Variants in PAX1 observed in about 807,000 individuals in gnomAD.
The protein encoded by PAX1 is paired box protein Pax-1.
A neutral mutation model predicts 35.6 loss-of-function variants in PAX1; 18 were observed. That is an observed-to-expected ratio of 0.50 (90% confidence interval 0.35 to 0.75). PAX1 has a LOEUF of 0.75. Among genes scored for constraint, PAX1 ranks in the 30% least tolerant of loss-of-function variants. The probability of loss-of-function intolerance (pLI) is 0.01; values close to 1 mark genes in which losing one functional copy is unlikely to be tolerated. For missense variants in PAX1, 760 were observed against 661.5 expected (o/e 1.15, Z -1.63); for synonymous variants, 397 against 305.2 (o/e 1.30, Z -3.14).
In PAX1 at chr20:21,705,665, A is replaced by G; in HGVS notation, c.-48A>G. On this transcript the variant is annotated 5_prime_UTR_variant, in exon 1 of 5. Transcript: ENST00000613128. ...TTGACGTGGAGGACACGTCAAATTG[A>G]TTCCCGCACGCTGCAGCCTCCCGGT... 8.2e-7 allele frequency: 1 copy of G among 1,214,704 alleles called. No individual in the cohort carries two copies. The highest frequency in any genetic ancestry group is 1.0e-6 in the Non-Finnish European group (1 of 965,702). 75.2% of individuals were successfully genotyped at this position (1,214,704 alleles called of 1,614,324 possible).
chr20:21,706,571 C>T lies in PAX1; in HGVS notation c.420C>T (p.Leu140=), dbSNP rs978424719. The T allele has an allele frequency of 3.1e-6, 5 of 1,612,282 alleles. No individual in the cohort carries two copies. The highest frequency in any genetic ancestry group is 3.4e-6 in the Non-Finnish European group (4 of 1,180,008). ...GIRPCDISRQ[L]RVSHGCVSKI... is the part of the protein sequence containing the mutation. ...GACCCTGTGACATCAGTCGGCAGCTCCGCGTATCCCACGGCTGCGTGAGCA... is the reference window on the plus strand; with the variant it reads ...GACCCTGTGACATCAGTCGGCAGCTTCGCGTATCCCACGGCTGCGTGAGCA... The change falls in exon 2 of 5, where the codon CTC becomes CTT. Residue 140 remains leucine (L), a synonymous_variant. Coordinates refer to ENST00000613128, the MANE Select transcript of PAX1 (RefSeq NM_001257096.2). The surrounding 1 kb of genome is among the most constrained non-coding windows in gnomAD (Gnocchi z 5.3).
At chr20:21,713,071 G>A (rs1381326453) in intron 4 of PAX1, among the ~76,000 whole-genome samples, 3 of 152,154 alleles carry the variant, frequency 2.0e-5, no homozygotes, top group Non-Finnish European at 4.4e-5. Context: ...AGCAGGATTC[G>A]CCCCTGTAGG....
rs77869827 is a variant in PAX1, at chr20:21,709,786, C to T, written c.1282+342C>T. Among the ~76,000 whole-genome samples, 970 of 152,118 alleles carry T rather than the reference C, an allele frequency of 6.4e-3. 16 individuals carry two copies. Among genetic ancestry groups the T allele is most frequent in the African/African-American group, 0.022 (928 of 41,482 alleles). ...CAAGTTCCTGCTTCTTTCTGGGTTT[C>T]TGTTTCTCCATCCAGAGACACGTCT... On this transcript the variant is annotated intron_variant, in intron 4 of 4. Coordinates refer to ENST00000613128, the MANE Select transcript of PAX1 (RefSeq NM_001257096.2).
chr20:21,713,246 C>G (rs901814466), intron 4 of PAX1, among the ~76,000 whole-genome samples: 1 of 152,176 alleles, frequency 6.6e-6, no homozygotes, highest in Admixed American at 6.5e-5. Flanking sequence ...GGTCTGAATA[C>G]TTGTTGGCTG....
intron 4 of PAX1, among the ~76,000 whole-genome samples, chr20:21,713,413 T>TGTGTGTGTGTGTGTGTGTG (rs1555805038): frequency 6.6e-6 from 1 of 151,520 alleles, no homozygotes; most frequent in African/African-American, 2.4e-5. Context: ...TGTGTGTGTC[T>TGTGTGTGTGTGTGTGTGTG]TGCACAGAGG....
At chr20:21,709,535 G>T in intron 4 of PAX1, 91 bp downstream of exon 4, 1 of 1,034,378 alleles carries the variant, frequency 9.7e-7, no homozygotes, top group South Asian at 1.7e-5. Flanking sequence ...AGGGAGAGCG[G>T]GTGGGGAAGA....
intron 4 of PAX1, among the ~76,000 whole-genome samples, chr20:21,710,067 G>A (rs1985152380): frequency 7.1e-6 from 1 of 140,650 alleles, no homozygotes; most frequent in East Asian, 2.1e-4. Flanking sequence ...AGCTTTCTGT[G>A]GTTGTGGGTG....
At position 21,714,772 on chromosome 20, in the gene PAX1, G is replaced by A. The variant is rs1352429301; in HGVS notation, c.*210G>A. ...CCACCACACTTCCTTTATTGGTCTGGGTTTTTAGGCTTCTCTGAACTTGGG... is the reference window on the plus strand; with the variant it reads ...CCACCACACTTCCTTTATTGGTCTGAGTTTTTAGGCTTCTCTGAACTTGGG... On this transcript the variant is annotated 3_prime_UTR_variant, in exon 5 of 5. Transcript: ENST00000613128. 6.2e-7 allele frequency: 1 copy of A among 1,600,846 alleles called. No individual in the cohort carries two copies. The highest frequency in any genetic ancestry group is 1.3e-5 in the African/African-American group (1 of 74,906).
chr20:21,713,382 T>TTGTGTG lies in PAX1; in HGVS notation c.1283-1065_1283-1060dup, dbSNP rs1026316842. 6.2e-4 allele frequency among the ~76,000 whole-genome samples: 91 copies of TTGTGTG among 146,376 alleles called. 1 individual carries two copies. The highest frequency in any genetic ancestry group is 4.8e-3 in the East Asian group (23 of 4,830). On this transcript the variant is annotated intron_variant, in intron 4 of 4. Coordinates refer to ENST00000613128, the MANE Select transcript of PAX1 (RefSeq NM_001257096.2). ...CGAAACCGTGTGTTTTCTTTTTTTT[T>TTGTGTG]TGTGTGTGTGTGTGTGTGTGTGTGT...
chr20:21,708,196 T>C (rs1985076801), intron 2 of PAX1: 1 of 411,502 alleles, frequency 2.4e-6, no homozygotes, highest in Non-Finnish European at 4.6e-6. Context: ...TGTTGAGAAA[T>C]CAATACAATT....
rs1474359471 is a variant in PAX1 at position 21,706,862 on chromosome 20, T to C, written c.711T>C (p.Ser237=). 2 of 1,613,278 alleles carry C rather than the reference T, an allele frequency of 1.2e-6. No homozygotes were observed. Among genetic ancestry groups the C allele is most frequent in the African/African-American group, 1.3e-5 (1 of 75,062 alleles). Residue 237 remains serine, a synonymous_variant, in exon 2 of 5, where the codon AGT becomes AGC. Transcript: ENST00000613128. This position sits in a 1 kb window ranked among gnomAD's most constrained non-coding sequence, Gnocchi z 5.3. ...SLAQPGPYEA[S]KQPPSQPTLP... is the part of the protein sequence containing the mutation. ...CGCAGCCCGGACCGTACGAGGCAAG[T>C]AAGCAGCCGCCGTCGCAGCCTACGC... is the stretch of plus-strand genomic sequence containing the variant.
intron 4 of PAX1, 54 bp downstream of exon 4, chr20:21,709,498 C>CT (rs1985133661): frequency 1.5e-6 from 2 of 1,349,572 alleles, no homozygotes; most frequent in Non-Finnish European, 2.0e-6. Context: ...AGGAAGGGTA[C>CT]TGGGGAGCGG....
intron 4 of PAX1, among the ~76,000 whole-genome samples, chr20:21,713,080 G>A (rs911312632): frequency 1.3e-5 from 2 of 152,202 alleles, no homozygotes; most frequent in Non-Finnish European, 2.9e-5. Flanking sequence ...CGCCCCTGTA[G>A]GGTGGGATGC....
chr20:21,716,759 A>G lies in PAX1; in HGVS notation c.*2197A>G, dbSNP rs1336809402. ...ATAATAGGAAAAAAGTATGACAGAG[A>G]AGCATGTTCCCAAGTCCCCCATCCT... On this transcript the variant is annotated 3_prime_UTR_variant, in exon 5 of 5. Coordinates refer to ENST00000613128, the MANE Select transcript of PAX1 (RefSeq NM_001257096.2). 1.3e-5 allele frequency: 2 copies of G among 152,108 alleles called. No individual in the cohort carries two copies. The highest frequency in any genetic ancestry group is 3.2e-3 in the Middle Eastern group (1 of 316). 9.4% of individuals were successfully genotyped at this position (152,108 alleles called of 1,614,324 possible). A position where few individuals can be genotyped will look rare whatever the true frequency, so the allele number is the denominator to read the frequency against.
intron 4 of PAX1, among the ~76,000 whole-genome samples, chr20:21,709,892 G>A (rs1311214256): frequency 6.6e-6 from 1 of 152,010 alleles, no homozygotes; most frequent in Non-Finnish European, 1.5e-5. Context: ...CTTGCTAGTG[G>A]CACCTAACCT....
rs963287658 is a variant in PAX1 at position 21,715,147 on chromosome 20, C to G, written c.*585C>G. ...GGTCCATCCCTGTCGTTCCTTCTCT[C>G]TCTGTCTCTGGTTCTACTGTCAAGG... On this transcript the variant is annotated 3_prime_UTR_variant, in exon 5 of 5. Transcript: ENST00000613128. 6 of 390,444 alleles carry G rather than the reference C, an allele frequency of 1.5e-5. No individual in the cohort carries two copies. The highest frequency in any genetic ancestry group is 1.3e-4 in the African/African-American group (6 of 47,934). 24.2% of individuals were successfully genotyped at this position (390,444 alleles called of 1,614,324 possible). A position where few individuals can be genotyped will look rare whatever the true frequency, so the allele number is the denominator to read the frequency against.
At position 21,715,156 on chromosome 20, in the gene PAX1, TGGTTCTACTGTCAAG is replaced by T. The variant is rs1442456938; in HGVS notation, c.*597_*611del. On this transcript the variant is annotated 3_prime_UTR_variant, in exon 5 of 5. Coordinates refer to ENST00000613128, the MANE Select transcript of PAX1 (RefSeq NM_001257096.2). ...CTGTCGTTCCTTCTCTCTCTGTCTC[TGGTTCTACTGTCAAG>T]GGCCCTAGTTCCCTTTGTTTTACTG... is the stretch of plus-strand genomic sequence containing the variant. The T allele has an allele frequency of 1.4e-5, 5 of 370,242 alleles. No individual in the cohort carries two copies. Among genetic ancestry groups the T allele is most frequent in the Non-Finnish European group, 2.5e-5 (5 of 197,926 alleles). 22.9% of individuals were successfully genotyped at this position (370,242 alleles called of 1,614,324 possible). A position where few individuals can be genotyped will look rare whatever the true frequency, so the allele number is the denominator to read the frequency against.
chr20:21,709,433 C>A lies in PAX1; in HGVS notation c.1271C>A (p.Pro424His), dbSNP rs923220103. The A allele has an allele frequency of 1.3e-6, 2 of 1,530,996 alleles. No individual in the cohort carries two copies. The highest frequency in any genetic ancestry group is 1.7e-6 in the Non-Finnish European group (2 of 1,144,166). 94.8% of individuals were successfully genotyped at this position (1,530,996 alleles called of 1,614,324 possible). Residue 424 changes from proline (P) to histidine (H), a missense_variant, in exon 4 of 5, where the codon CCC becomes CAC. This residue lies in a region of PAX1 where 490 missense variants were observed against 428.4 expected (regional missense o/e 1.14). Coordinates refer to ENST00000613128, the MANE Select transcript of PAX1 (RefSeq NM_001257096.2). The part of the protein sequence containing the change: ...ELAAAMTFKH[P>H]SREVADRKPP... ...GCGGCAGCAATGACCTTCAAGCATC[C>A]CAGCCGAGAAGGTGAGGAGCGCAGG...
rs1309349892 is a variant in PAX1, at chr20:21,718,212, C to G, written c.*3650C>G. 1 of 152,116 alleles carries G rather than the reference C, an allele frequency of 6.6e-6. No individual in the cohort carries two copies. Among genetic ancestry groups the G allele is most frequent in the Non-Finnish European group, 1.5e-5 (1 of 68,028 alleles). 9.4% of individuals were successfully genotyped at this position (152,116 alleles called of 1,614,324 possible). On this transcript the variant is annotated 3_prime_UTR_variant, in exon 5 of 5. Coordinates refer to ENST00000613128, the MANE Select transcript of PAX1 (RefSeq NM_001257096.2). ...CAATGGATTGTAATAACTTCCCTGC[C>G]AAAGGTAGCTGTTTTTTGGCAAGAA...
Sources: allele counts gnomAD v4.1 joint callset (sites outside exome capture counted in the v4.1 genomes callset), GRCh38; gene constraint gnomAD v4.1.1; regional missense constraint gnomAD v4.1.1; non-coding constraint Gnocchi (gnomAD v3.1); transcripts MANE v1.5; gene names NCBI Gene and HGNC (gene_info 2026-07-23, HGNC 2026-07-21).